Variants in MROH2B observed in about 807,000 individuals in gnomAD.
MROH2B encodes maestro heat like repeat family member 2B.
A neutral mutation model predicts 208.6 loss-of-function variants in MROH2B; 177 were observed. The observed-to-expected ratio is 0.85, with a 90% CI of 0.75 to 0.96. The LOEUF is 0.96. Ranked by LOEUF, MROH2B falls within the 40% of genes least tolerant of loss-of-function variation. The pLI, the probability that MROH2B is intolerant of heterozygous loss-of-function variation, is 0.00. For synonymous variants in MROH2B, 728 were observed against 659.0 expected (o/e 1.10, Z -1.60); for missense variants, 2,002 against 1,878.7 (o/e 1.07, Z -1.21).
intron 11 of MROH2B, among the ~76,000 whole-genome samples, chr5:41,053,390 C>A (rs1743343966): frequency 1.3e-5 from 2 of 152,058 alleles, no homozygotes; most frequent in East Asian, 3.9e-4. Context: ...GAAAAATTGT[C>A]AATTCTGAAA....
Position 41,017,636 on chromosome 5 carries a change from C to A in MROH2B, c.2884+214G>T, listed in dbSNP as rs536337618. The stretch of plus-strand genomic sequence containing the variant: ...AATTAAGGTATTAAAACAGAAATTG[C>A]TGAACTATAGAGGGAAGGAGAAACA... On this transcript the variant is annotated intron_variant, in intron 28 of 41. Transcript: ENST00000399564. 6.7e-5 allele frequency among the ~76,000 whole-genome samples: 10 copies of A among 150,110 alleles called. No individual in the cohort carries two copies. In the South Asian group the frequency reaches 2.1e-3, roughly 32 times the overall value.
Position 41,039,464 on chromosome 5 carries a change from A to G in MROH2B, c.2045T>C (p.Phe682Ser), listed in dbSNP as rs967999269. ...TCTTCTTACCTTACATCGATTCATG[A>G]AAAACTTTTCCTGATTTTGGAATGT... ...LKTFQNQEKF[F>S]MNRCKSLFSG... The change falls in exon 20 of 42, where the codon TTC becomes TCC. Residue 682 changes from phenylalanine (F) to serine (S), a missense_variant. Transcript: ENST00000399564. 1 of 1,594,360 alleles carries G rather than the reference A, an allele frequency of 6.3e-7. No homozygotes were observed. The highest frequency in any genetic ancestry group is 1.7e-5 in the Admixed American group (1 of 57,996).
rs1476465203 is a variant in MROH2B, at chr5:41,033,051, C to T, written c.2351G>A (p.Gly784Asp). 1 of 1,612,968 alleles carries T rather than the reference C, an allele frequency of 6.2e-7. No homozygotes were observed. The highest frequency in any genetic ancestry group is 8.5e-7 in the Non-Finnish European group (1 of 1,179,244). ...FQFSYKEMLI[G>D]YMLDFIRDEP... is the part of the protein sequence containing the mutation. ...TCTCTGCACACTCACCAGCATGTAA[C>T]CAATCAGCATCTCCTTGTAGGAAAA... Residue 784 changes from glycine (G) to aspartate (D), a missense_variant, in exon 23 of 42, where the codon GGT becomes GAT. Transcript: ENST00000399564.
At chr5:41,030,878 A>G (rs1171114621) in intron 24 of MROH2B, among the ~76,000 whole-genome samples, 3 of 152,116 alleles carry the variant, frequency 2.0e-5, no homozygotes, top group African/African-American at 7.2e-5. Flanking sequence ...ATGGCTGATT[A>G]TAAATTTTAT....
Position 41,008,558 on chromosome 5 carries a change from T to A in MROH2B, c.3608+48A>T, listed in dbSNP as rs774320383. ...GACTTCTGCAGCACCACTCCTGGAGTCTGGGATTAGGACCACTGTGGAAGA... is the reference window on the plus strand; with the variant it reads ...GACTTCTGCAGCACCACTCCTGGAGACTGGGATTAGGACCACTGTGGAAGA... On this transcript the variant is annotated intron_variant, in intron 33 of 41. Coordinates refer to ENST00000399564, the MANE Select transcript of MROH2B (RefSeq NM_173489.5). The A allele has an allele frequency of 3.1e-6, 5 of 1,595,618 alleles. No homozygotes were observed. In the South Asian group the frequency reaches 4.5e-5, roughly 14 times the overall value.
intron 28 of MROH2B, among the ~76,000 whole-genome samples, chr5:41,017,122 G>A (rs760659323): frequency 2.8e-4 from 42 of 152,202 alleles, no homozygotes; most frequent in Non-Finnish European, 5.0e-4. Context: ...GTGGCATTAA[G>A]TCTAGACTGT....
intron 9 of MROH2B, among the ~76,000 whole-genome samples, chr5:41,056,383 AAGTATAG>A (rs1291340645): frequency 6.6e-6 from 1 of 152,124 alleles, no homozygotes; most frequent in Non-Finnish European, 1.5e-5. Context: ...GAGAAGAAGA[AAGTATAG>A]AGACAAAGGG....
chr5:41,048,317 C>T lies in MROH2B; in HGVS notation c.1684+7G>A, dbSNP rs1415073132. The T allele has an allele frequency of 6.2e-7, 1 of 1,610,816 alleles. No homozygotes were observed. Among genetic ancestry groups the T allele is most frequent in the African/African-American group, 1.3e-5 (1 of 74,772 alleles). On this transcript the variant is annotated splice_region_variant and intron_variant, in intron 16 of 41. Transcript: ENST00000399564. ...CTGGGTAAAGACCTGGCCCCAATCC[C>T]TTGTACCTTCCAGAGGCTGCAGAAG...
intron 24 of MROH2B, among the ~76,000 whole-genome samples, chr5:41,020,148 G>T (rs1450653): frequency 0.66 from 99,916 of 151,708 alleles, 33,390 homozygotes; most frequent in Non-Finnish European, 0.7. Flanking sequence ...TTAGTATGAA[G>T]AATAATATAA....
chr5:41,037,982 G>T (rs772158864), intron 21 of MROH2B, among the ~76,000 whole-genome samples: 1 of 152,182 alleles, frequency 6.6e-6, no homozygotes, highest in East Asian at 1.9e-4. Context: ...AGAATGATCA[G>T]ATAAATTTCA....
At chr5:41,063,090 A>G (rs1743691660) in intron 5 of MROH2B, among the ~76,000 whole-genome samples, 1 of 152,210 alleles carries the variant, frequency 6.6e-6, no homozygotes, top group African/African-American at 2.4e-5. Context: ...GTGATTTAAG[A>G]TCAAAGGGCA....
chr5:41,038,286 G>T (rs550513890), intron 21 of MROH2B, among the ~76,000 whole-genome samples: 1 of 152,146 alleles, frequency 6.6e-6, no homozygotes, highest in African/African-American at 2.4e-5. Context: ...CCCTAAAATA[G>T]TACAGGAGTA....
At chr5:41,045,363 CT>C (rs1743083490) in intron 18 of MROH2B, among the ~76,000 whole-genome samples, 2 of 152,088 alleles carry the variant, frequency 1.3e-5, no homozygotes, top group South Asian at 4.1e-4. Context: ...TAGTAGATTT[CT>C]TTTTGATTGC....
intron 40 of MROH2B, among the ~76,000 whole-genome samples, chr5:40,999,231 G>A (rs974055544): frequency 6.6e-6 from 1 of 152,188 alleles, no homozygotes; most frequent in Non-Finnish European, 1.5e-5. Context: ...TCACATAGCA[G>A]AGCCAGGGGC....
At chr5:41,000,445 A>G (rs1378933957) in intron 38 of MROH2B, 94 bp from the exon 39 acceptor site, 19 of 1,499,008 alleles carry the variant, frequency 1.3e-5, no homozygotes, top group Non-Finnish European at 1.6e-5. Flanking sequence ...AAGAAGCACT[A>G]AAAGTCAGTG....
intron 21 of MROH2B, among the ~76,000 whole-genome samples, chr5:41,038,131 T>C (rs1480226400): frequency 6.6e-6 from 1 of 152,164 alleles, no homozygotes; most frequent in Non-Finnish European, 1.5e-5. Flanking sequence ...AATGACATAT[T>C]TTATTCACTT....
intron 1 of MROH2B, 100 bp from the exon 2 acceptor site, chr5:41,069,852 T>C (rs1743930671): frequency 1.3e-5 from 3 of 223,430 alleles, no homozygotes; most frequent in East Asian, 7.2e-5. Context: ...TCATTTATCC[T>C]CTCTCTCTCT....
At position 41,015,369 on chromosome 5, in the gene MROH2B, C is replaced by A. The variant is rs1389874042; in HGVS notation, c.2982+12G>T. On this transcript the variant is annotated intron_variant, in intron 29 of 41. Transcript: ENST00000399564. ...GAATCTTTACATCCCCTGGCCACTC[C>A]ATATTTATTACCTTAGCTATTTTAG... The A allele has an allele frequency of 6.2e-7, 1 of 1,609,710 alleles. No individual in the cohort carries two copies. Among genetic ancestry groups the A allele is most frequent in the Middle Eastern group, 1.7e-4 (1 of 6,054 alleles).
At chr5:41,028,065 C>T (rs1431645280) in intron 24 of MROH2B, among the ~76,000 whole-genome samples, 1 of 152,028 alleles carries the variant, frequency 6.6e-6, no homozygotes, top group African/African-American at 2.4e-5. Flanking sequence ...GGAGGGATAG[C>T]ATTAGGAGAT....
Sources: gnomAD v4.1 joint callset for allele counts (sites outside exome capture counted in the v4.1 genomes callset) on GRCh38, gnomAD v4.1.1 for gene constraint, MANE v1.5 for transcripts, NCBI Gene and HGNC (gene_info 2026-07-23, HGNC 2026-07-21) for gene names.